Variants in SLC44A5 observed in about 807,000 individuals in gnomAD.
The protein encoded by SLC44A5 is solute carrier family 44 member 5, also known as choline transporter-like protein 5.
SLC44A5 carries 57 observed loss-of-function variants against 101.8 expected under a neutral mutation model. The ratio of observed to expected loss-of-function variants is 0.56; its 90% confidence interval spans 0.45 to 0.70. The LOEUF (loss-of-function observed/expected upper bound fraction) is 0.70, where lower values mean the gene tolerates loss of function less well. Ranked by LOEUF, SLC44A5 falls within the 30% of genes least tolerant of loss-of-function variation. SLC44A5 has a pLI of 0.00. For missense variants in SLC44A5, 737 were observed against 853.1 expected (o/e 0.86, Z 1.70); for synonymous variants, 281 against 290.9 (o/e 0.97, Z 0.35).
chr1:75,416,924 T>C (rs1663686942), intron 2 of SLC44A5, among the ~76,000 whole-genome samples: 1 of 152,220 alleles, frequency 6.6e-6, no homozygotes, highest in Non-Finnish European at 1.5e-5. Context: ...TACTTGCTTT[T>C]GATTTTACAG....
At chr1:75,358,712 A>T (rs1292804455) in intron 3 of SLC44A5, among the ~76,000 whole-genome samples, 1 of 152,194 alleles carries the variant, frequency 6.6e-6, no homozygotes, top group Non-Finnish European at 1.5e-5. Flanking sequence ...TATTAACATT[A>T]TTTTTAACCA....
chr1:75,299,846 T>TAA (rs956929410), intron 5 of SLC44A5, among the ~76,000 whole-genome samples: 1 of 61,816 alleles, frequency 1.6e-5, no homozygotes, highest in African/African-American at 4.2e-5. Context: ...TTGTCTCTAC[T>TAA]AAAAAAAAAA....
chr1:75,645,237 C>T, the SLC44A5 span, among the ~76,000 whole-genome samples: 1 of 152,074 alleles, frequency 6.6e-6, no homozygotes, highest in South Asian at 2.1e-4. Context: ...GTTTACAGTC[C>T]CACCAACAGT....
At chr1:75,211,267 T>C in intron 23 of SLC44A5, among the ~76,000 whole-genome samples, 1 of 152,214 alleles carries the variant, frequency 6.6e-6, no homozygotes, top group Non-Finnish European at 1.5e-5. Flanking sequence ...CATGAAGTAT[T>C]TGTCTTTCTG....
intron 22 of SLC44A5, among the ~76,000 whole-genome samples, chr1:75,212,404 T>C (rs1036517362): frequency 2.4e-4 from 37 of 152,100 alleles, no homozygotes; most frequent in Admixed American, 6.6e-5. Flanking sequence ...CTATGTGTAC[T>C]CAATATTTAC....
intron 2 of SLC44A5, among the ~76,000 whole-genome samples, chr1:75,428,029 C>T (rs1335573553): frequency 6.6e-5 from 10 of 152,180 alleles, no homozygotes; most frequent in Admixed American, 6.5e-4. Context: ...AGAGTGCTCA[C>T]TTCCCTCGAG....
intron 1 of SLC44A5, among the ~76,000 whole-genome samples, chr1:75,604,614 T>G (rs1350230545): frequency 2.0e-5 from 3 of 151,994 alleles, no homozygotes; most frequent in Non-Finnish European, 4.4e-5. Flanking sequence ...CTTTGGGGAG[T>G]TTGACCATTT....
chr1:75,302,104 G>GTTTTT (rs1204998592), intron 4 of SLC44A5, among the ~76,000 whole-genome samples: 622 of 49,442 alleles, frequency 0.013, 37 homozygotes, highest in Non-Finnish European at 0.014. Flanking sequence ...AGGTGCTCTA[G>GTTTTT]TTTTTTTGTT....
At chr1:75,264,128 T>A (rs1570509861) in intron 6 of SLC44A5, among the ~76,000 whole-genome samples, 3 of 141,644 alleles carry the variant, frequency 2.1e-5, no homozygotes, top group East Asian at 2.1e-4. Context: ...TTAAAGTATT[T>A]AAAAAAAAAA....
At chr1:75,272,329 CTT>C (rs61199324) in intron 6 of SLC44A5, among the ~76,000 whole-genome samples, 2,244 of 142,926 alleles carry the variant, frequency 0.016, 37 homozygotes, top group African/African-American at 0.036. Flanking sequence ...GGTCCCATTT[CTT>C]TTTTTTTTTT....
intron 2 of SLC44A5, among the ~76,000 whole-genome samples, chr1:75,520,442 A>G (rs1670053357): frequency 6.6e-6 from 1 of 152,222 alleles, no homozygotes; most frequent in Non-Finnish European, 1.5e-5. Context: ...ACAATTATGC[A>G]TGCTAATAAT....
At chr1:75,608,676 G>T (rs1031190647) in intron 1 of SLC44A5, among the ~76,000 whole-genome samples, 2 of 151,424 alleles carry the variant, frequency 1.3e-5, no homozygotes, top group African/African-American at 4.9e-5. Flanking sequence ...AATTCCACTT[G>T]GTCTTCTTTC....
intron 2 of SLC44A5, among the ~76,000 whole-genome samples, chr1:75,530,450 G>T (rs1050380961): frequency 2.0e-5 from 3 of 152,118 alleles, no homozygotes; most frequent in African/African-American, 7.2e-5. Flanking sequence ...ACCTTTCAGG[G>T]TTCAAATGGG....
upstream of SLC44A5, chr1:75,615,835 G>C: frequency 1.0e-6 from 1 of 985,914 alleles, no homozygotes; most frequent in Non-Finnish European, 1.2e-6. Context: ...GGCGAGGGGA[G>C]GAGGGAGCGG....
intron 1 of SLC44A5, among the ~76,000 whole-genome samples, chr1:75,601,349 G>C (rs1674968369): frequency 2.9e-5 from 4 of 138,502 alleles, no homozygotes; most frequent in African/African-American, 1.1e-4. Context: ...CACAGGGAGG[G>C]GAACATCAAA....
Position 75,495,261 on chromosome 1 carries a change from C to T in SLC44A5, c.13+46174G>A, listed in dbSNP as rs1033530047. Among the ~76,000 whole-genome samples the T allele has an allele frequency of 3.3e-5, 5 of 152,070 alleles. No individual in the cohort carries two copies. In the East Asian group the frequency reaches 7.7e-4, roughly 24 times the overall value. On this transcript the variant is annotated intron_variant, in intron 2 of 23. Transcript: ENST00000370859. ...ATGAGGTCAGGAGATTGAGATCATCCTGGCTAACATGGTGAAACCCTGTCT... is the reference window on the plus strand; with the variant it reads ...ATGAGGTCAGGAGATTGAGATCATCTTGGCTAACATGGTGAAACCCTGTCT...
intron 2 of SLC44A5, among the ~76,000 whole-genome samples, chr1:75,438,888 A>G (rs549516256): frequency 7.2e-5 from 11 of 152,190 alleles, no homozygotes; most frequent in Non-Finnish European, 1.6e-4. Flanking sequence ...ATTGAAATTA[A>G]CAGCAAAAAA....
At chr1:75,648,385 A>G in the SLC44A5 span, among the ~76,000 whole-genome samples, 3 of 152,204 alleles carry the variant, frequency 2.0e-5, no homozygotes, top group African/African-American at 7.2e-5. Context: ...GAATGAACTA[A>G]TACAACAGTC....
chr1:75,256,979 T>C (rs1170845437), intron 6 of SLC44A5, among the ~76,000 whole-genome samples: 2 of 152,028 alleles, frequency 1.3e-5, no homozygotes, highest in Non-Finnish European at 2.9e-5. Context: ...CAAAATAAAA[T>C]AAGCTTATTA....
Sources: gnomAD v4.1 joint callset for allele counts (sites outside exome capture counted in the v4.1 genomes callset) on GRCh38, gnomAD v4.1.1 for gene constraint, MANE v1.5 for transcripts, NCBI Gene and HGNC (gene_info 2026-07-23, HGNC 2026-07-21) for gene names.